The following BORCS5 variants were observed in gnomAD, a reference collection of about 807,000 sequenced individuals.
BORCS5 encodes BLOC-1-related complex subunit 5.
BORCS5 carries 17 observed loss-of-function variants against 22.1 expected under a neutral mutation model. The ratio of observed to expected loss-of-function variants is 0.77; its 90% CI spans 0.53 to 1.15. BORCS5 has a LOEUF of 1.15. BORCS5 is among the 50% of genes most tolerant of loss of function. BORCS5 has a pLI of 0.00. For synonymous variants in BORCS5, 117 were observed against 99.8 expected, an observed-to-expected ratio of 1.17 and a Z score of -1.03; for missense variants, 247 against 253.2, an observed-to-expected ratio of 0.98 and a Z score of 0.17.
In BORCS5 at chr12:12,357,497, C is replaced by G. The variant is rs768598631; in HGVS notation, c.46C>G (p.Leu16Val). Residue 16 changes from leucine to valine, a missense_variant, in exon 1 of 4, where the codon CTG (leucine) becomes GTG (valine). By Grantham distance (32) the Leu-to-Val change is conservative (BLOSUM62 1). Coordinates refer to ENST00000314565, the MANE Select transcript of BORCS5 (RefSeq NM_058169.6). Reference protein sequence around the residue: ...SSEAESRPNDLNSSVTPSPAK... With the variant: ...SSEAESRPNDVNSSVTPSPAK... ...CGAGGCCGAGAGCCGACCCAACGATCTGAACTCCTCAGGTCGGTGTCCTAA... is the reference window on the plus strand; with the variant it reads ...CGAGGCCGAGAGCCGACCCAACGATGTGAACTCCTCAGGTCGGTGTCCTAA... 1.5e-5 allele frequency: 24 copies of G among 1,611,398 alleles called. No homozygotes were observed. In the East Asian group the frequency reaches 4.7e-4, roughly 31 times the overall value.
chr12:12,401,316 C>A (rs981869572), intron 2 of BORCS5, among the ~76,000 whole-genome samples: 1 of 152,034 alleles, frequency 6.6e-6, no homozygotes, highest in Non-Finnish European at 1.5e-5. Flanking sequence ...TCAGTAAAAC[C>A]GGATATTGTC....
At chr12:12,381,200 A>G (rs1423732916) in intron 2 of BORCS5, among the ~76,000 whole-genome samples, 2 of 151,000 alleles carry the variant, frequency 1.3e-5, no homozygotes, top group Non-Finnish European at 1.5e-5. Flanking sequence ...GGCTTTCACC[A>G]TGTTGGCCAG....
chr12:12,357,554 C>G, intron 1 of BORCS5, 45 bp downstream of exon 1: 7 of 1,573,422 alleles, frequency 4.4e-6, no homozygotes, highest in Non-Finnish European at 6.1e-6. Context: ...GCCCTGTCCC[C>G]TTGCAGAGCG....
intron 2 of BORCS5, among the ~76,000 whole-genome samples, chr12:12,396,449 TG>T (rs985723433): frequency 6.6e-5 from 10 of 151,662 alleles, no homozygotes; most frequent in African/African-American, 1.9e-4. Context: ...GAGGGTGGGG[TG>T]GGTAGAGGAG....
intron 3 of BORCS5, among the ~76,000 whole-genome samples, chr12:12,448,495 G>A (rs1015843237): frequency 1.3e-5 from 2 of 151,142 alleles, no homozygotes; most frequent in Non-Finnish European, 2.9e-5. Flanking sequence ...GATTACAGGC[G>A]TGAGTCACCG....
intron 3 of BORCS5, among the ~76,000 whole-genome samples, chr12:12,438,218 A>T (rs1421421560): frequency 6.6e-6 from 1 of 152,012 alleles, no homozygotes; most frequent in Non-Finnish European, 1.5e-5. Context: ...AAAATTAGCC[A>T]GGTGTGATGG....
chr12:12,431,267 G>T (rs1258564063), intron 2 of BORCS5, among the ~76,000 whole-genome samples: 2 of 152,074 alleles, frequency 1.3e-5, no homozygotes, highest in Admixed American at 1.3e-4. Context: ...GTGAAAAATG[G>T]GCTTGTGGTA....
At chr12:12,455,778 TAAAAAA>T (rs144613630) in intron 3 of BORCS5, among the ~76,000 whole-genome samples, 5 of 142,020 alleles carry the variant, frequency 3.5e-5, no homozygotes, top group Non-Finnish European at 4.6e-5. Flanking sequence ...GACTCGGTCT[TAAAAAA>T]AAAAAAAAAA....
chr12:12,435,839 A>G (rs1439542338), intron 3 of BORCS5, 54 bp downstream of exon 3: 6 of 1,544,232 alleles, frequency 3.9e-6, no homozygotes, highest in African/African-American at 2.7e-5. Flanking sequence ...ATTCTCTGCA[A>G]CTCTGGATGC....
At position 12,464,385 on chromosome 12, in the gene BORCS5, T is replaced by C. The variant is rs148679363; in HGVS notation, c.361-1161T>C. Among the ~76,000 whole-genome samples the C allele has an allele frequency of 2.9e-3, 436 of 152,278 alleles. 1 individual carries two copies. Among genetic ancestry groups the C allele is most frequent in the African/African-American group, 9.5e-3 (395 of 41,558 alleles). On this transcript the variant is annotated intron_variant, in intron 3 of 3. Transcript: ENST00000314565. The stretch of plus-strand genomic sequence containing the variant: ...GAAATTATTTTTTCTTGGGGCTGGC[T>C]TTGGTCCCCCGTGTTTTCATGAGTT...
intron 2 of BORCS5, among the ~76,000 whole-genome samples, chr12:12,405,147 C>T (rs1465641772): frequency 1.3e-5 from 2 of 152,088 alleles, no homozygotes; most frequent in African/African-American, 2.4e-5. Context: ...GAACCTTCAA[C>T]GAAGTGAGTT....
In BORCS5 at chr12:12,357,083, C is replaced by T; in HGVS notation, c.-369C>T. 1.3e-6 allele frequency: 2 copies of T among 1,533,444 alleles called. No homozygotes were observed. Among genetic ancestry groups the T allele is most frequent in the Non-Finnish European group, 1.7e-6 (2 of 1,145,306 alleles). The allele number at this position is 1,533,444 out of a possible 1,614,324, so 95.0% of individuals were successfully genotyped here. Reference sequence around the variant, plus strand: ...TTGCGTAGCCGGCACCGCCCATCTGCGTCCCGGAAGGAGCGAGCTTGCGGA... The same window carrying T: ...TTGCGTAGCCGGCACCGCCCATCTGTGTCCCGGAAGGAGCGAGCTTGCGGA... On this transcript the variant is annotated 5_prime_UTR_variant, in exon 1 of 4. Coordinates refer to ENST00000314565, the MANE Select transcript of BORCS5 (RefSeq NM_058169.6).
intron 3 of BORCS5, among the ~76,000 whole-genome samples, chr12:12,439,503 G>A (rs563589752): frequency 6.6e-6 from 1 of 152,104 alleles, no homozygotes; most frequent in South Asian, 2.1e-4. Flanking sequence ...GCATGGTGGT[G>A]CGTGCCTGTA....
intron 2 of BORCS5, among the ~76,000 whole-genome samples, chr12:12,373,808 C>G (rs1002552327): frequency 2.0e-5 from 3 of 151,976 alleles, no homozygotes; most frequent in African/African-American, 4.8e-5. Context: ...ACAATAATAT[C>G]ATATTAGTAA....
intron 2 of BORCS5, among the ~76,000 whole-genome samples, chr12:12,398,548 G>T (rs1941401064): frequency 6.6e-6 from 1 of 152,134 alleles, no homozygotes; most frequent in African/African-American, 2.4e-5. Context: ...CCTGCGGAGG[G>T]TTGTGTAACC....
chr12:12,379,571 C>G (rs1040858687), intron 2 of BORCS5, among the ~76,000 whole-genome samples: 1 of 151,546 alleles, frequency 6.6e-6, no homozygotes, highest in African/African-American at 2.4e-5. Context: ...AATTTAGAAT[C>G]TCCTACCCGA....
At chr12:12,427,920 T>G (rs74062537) in intron 2 of BORCS5, among the ~76,000 whole-genome samples, 1,887 of 152,324 alleles carry the variant, frequency 0.012, 32 homozygotes, top group African/African-American at 0.037. Flanking sequence ...CCCCACCTCC[T>G]AATACCATTA....
intron 3 of BORCS5, among the ~76,000 whole-genome samples, chr12:12,436,421 A>G (rs537646187): frequency 1.3e-5 from 2 of 152,386 alleles, no homozygotes; most frequent in South Asian, 2.1e-4. Context: ...AAGCACTTAA[A>G]TGTATCATTG....
chr12:12,392,341 CTG>C (rs1430488477), intron 2 of BORCS5, among the ~76,000 whole-genome samples: 2 of 152,058 alleles, frequency 1.3e-5, no homozygotes, highest in Non-Finnish European at 2.9e-5. Context: ...TCTCCAAAGT[CTG>C]TGCTTTTTCC....
Sources: allele counts gnomAD v4.1 joint callset (sites outside exome capture counted in the v4.1 genomes callset), GRCh38; gene constraint gnomAD v4.1.1; transcripts MANE v1.5; gene names NCBI Gene and HGNC (gene_info 2026-07-23, HGNC 2026-07-21).